Variants in RASA3 observed in about 807,000 individuals in gnomAD.
RASA3 encodes RAS p21 protein activator 3.
Under a neutral mutation model 110.0 loss-of-function variants are expected in RASA3, and 73 were observed. That is an observed-to-expected ratio of 0.66 (90% CI 0.55 to 0.81). RASA3 has a LOEUF of 0.81. RASA3 is among the 30% of genes least tolerant of loss of function. The probability of loss-of-function intolerance (pLI) is 0.00; values close to 1 mark genes in which losing one functional copy is unlikely to be tolerated. For missense variants in RASA3, 976 were observed against 1,113.2 expected (o/e 0.88, Z 1.75); for synonymous variants, 500 against 451.4 (o/e 1.11, Z -1.37).
intron 20 of RASA3, among the ~76,000 whole-genome samples, 158 bp downstream of exon 20, chr13:113,999,427 C>T (rs1566458811): frequency 6.6e-6 from 1 of 151,974 alleles, no homozygotes; most frequent in Non-Finnish European, 1.5e-5. Flanking sequence ...CACAAACTCA[C>T]CAGCACCTGG....
intron 12 of RASA3, among the ~76,000 whole-genome samples, 184 bp from the exon 13 acceptor site, chr13:114,016,455 C>T (rs575136341): frequency 4.9e-4 from 74 of 152,224 alleles, no homozygotes; most frequent in Non-Finnish European, 2.9e-5. Flanking sequence ...GCAGGGCCAC[C>T]GTGGGGTGGT....
intron 1 of RASA3, among the ~76,000 whole-genome samples, chr13:114,089,477 G>T (rs1377871297): frequency 6.6e-6 from 1 of 151,948 alleles, no homozygotes; most frequent in Non-Finnish European, 1.5e-5. Flanking sequence ...GGACCAAGCA[G>T]AAGGTGCTGT....
At position 114,030,000 on chromosome 13, in the gene RASA3, G is replaced by C. The variant is rs2054116830; in HGVS notation, c.373-113C>G. 3.0e-5 allele frequency: 29 copies of C among 964,868 alleles called. No homozygotes were observed. In the South Asian group the frequency reaches 3.1e-4, roughly 10 times the overall value. The allele number at this position is 964,868 out of a possible 1,614,324, so 59.8% of individuals were successfully genotyped here. Reference sequence around the variant, plus strand: ...CAAAGGGAGCAGGCGGCCCCGCCCTGCCCTGGCCAATGGGCACGTCCAGCC... The same window carrying C: ...CAAAGGGAGCAGGCGGCCCCGCCCTCCCCTGGCCAATGGGCACGTCCAGCC... On this transcript the variant is annotated intron_variant, in intron 4 of 23. Coordinates refer to ENST00000334062, the MANE Select transcript of RASA3 (RefSeq NM_007368.4).
intron 12 of RASA3, among the ~76,000 whole-genome samples, chr13:114,016,781 A>G (rs1161992783): frequency 1.3e-5 from 2 of 152,218 alleles, no homozygotes; most frequent in South Asian, 2.1e-4. Flanking sequence ...TTTGCAAAGA[A>G]CCTGTTTACA....
At chr13:114,018,042 C>G in intron 11 of RASA3, 62 bp downstream of exon 11, 3 of 1,420,020 alleles carry the variant, frequency 2.1e-6, no homozygotes, top group South Asian at 1.5e-5. Context: ...TTCTCGGCGA[C>G]GACCTTGCCA....
In RASA3 at chr13:114,073,728, C is replaced by G; in HGVS notation, c.165G>C (p.Lys55Asn). The G allele has an allele frequency of 6.2e-7, 1 of 1,613,354 alleles. No individual in the cohort carries two copies. Among genetic ancestry groups the G allele is most frequent in the Non-Finnish European group, 8.5e-7 (1 of 1,179,258 alleles). Reference sequence around the variant, plus strand: ...GCAACAGAAGACATTACCAGAGTGACTTTTCCACAATTTTGGTCCTGAAAA... The same window carrying G: ...GCAACAGAAGACATTACCAGAGTGAGTTTTCCACAATTTTGGTCCTGAAAA... ...EEVFRTKIVE[K>N]SLCPFYGEDF... The change falls in exon 2 of 24, where the codon AAG (lysine) becomes AAC (asparagine). Residue 55 changes from lysine to asparagine, a missense_variant. By Grantham distance (94) the Lys-to-Asn change is moderately conservative (BLOSUM62 0). This residue lies in a region of RASA3 where 732 missense variants were observed against 779.7 expected (regional missense o/e 0.94). Transcript: ENST00000334062.
At chr13:114,053,029 T>G (rs1264712648) in intron 2 of RASA3, among the ~76,000 whole-genome samples, 13 of 139,566 alleles carry the variant, frequency 9.3e-5, no homozygotes, top group African/African-American at 3.4e-4. Context: ...CTGACTGTGC[T>G]TAGAGTCCTG....
At chr13:114,037,115 G>C (rs1253357157) in intron 4 of RASA3, among the ~76,000 whole-genome samples, 1 of 152,300 alleles carries the variant, frequency 6.6e-6, no homozygotes. Context: ...GCTTGGCCAC[G>C]GGTACGCAGC....
At chr13:114,036,903 T>C (rs1192173590) in intron 4 of RASA3, among the ~76,000 whole-genome samples, 1 of 152,200 alleles carries the variant, frequency 6.6e-6, no homozygotes, top group Admixed American at 6.5e-5. Flanking sequence ...CGCTACGTTT[T>C]GGGCGGCGTT....
chr13:114,105,386 A>G (rs1036585492), intron 1 of RASA3, among the ~76,000 whole-genome samples: 3 of 152,114 alleles, frequency 2.0e-5, no homozygotes, highest in Non-Finnish European at 4.4e-5. Context: ...AGCTCTCCAG[A>G]GGCAACTCCA....
rs2139637129 is a variant in RASA3, at chr13:114,065,845, A to G, written c.173+7875T>C. 1.3e-5 allele frequency among the ~76,000 whole-genome samples: 2 copies of G among 152,336 alleles called. 1 individual carries two copies. Among genetic ancestry groups the G allele is most frequent in the South Asian group, 4.1e-4 (2 of 4,834 alleles). On this transcript the variant is annotated intron_variant, in intron 2 of 23. Coordinates refer to ENST00000334062, the MANE Select transcript of RASA3 (RefSeq NM_007368.4). This position sits in a 1 kb window ranked among gnomAD's most constrained non-coding sequence, Gnocchi z 4.1. Reference sequence around the variant, plus strand: ...CTGGGTTGCAGCCTCCTGTGGTTCAAGATGGGTGGGGTTATTTTGAAATGT... The same window carrying G: ...CTGGGTTGCAGCCTCCTGTGGTTCAGGATGGGTGGGGTTATTTTGAAATGT...
At chr13:114,047,361 G>A (rs927950648) in intron 3 of RASA3, among the ~76,000 whole-genome samples, 2 of 152,204 alleles carry the variant, frequency 1.3e-5, no homozygotes, top group African/African-American at 4.8e-5. Context: ...ACACACCTAT[G>A]GGAGTGCAAA....
intron 2 of RASA3, among the ~76,000 whole-genome samples, chr13:114,070,706 CCA>C (rs2079556702): frequency 1.4e-5 from 2 of 145,364 alleles, no homozygotes; most frequent in Non-Finnish European, 3.0e-5. Flanking sequence ...CTAAACGGCG[CCA>C]CAGTCTTACA....
At chr13:114,040,009 G>A (rs2054364145) in intron 4 of RASA3, among the ~76,000 whole-genome samples, 1 of 152,272 alleles carries the variant, frequency 6.6e-6, no homozygotes, top group Admixed American at 6.5e-5. Context: ...GTGGGGAAGT[G>A]AGGGTCCCTG....
chr13:114,122,165 T>C (rs1262905173), intron 1 of RASA3, among the ~76,000 whole-genome samples: 1 of 152,198 alleles, frequency 6.6e-6, no homozygotes, highest in Non-Finnish European at 1.5e-5. Context: ...CCCAGGCTGC[T>C]CCAGCCTTCA....
chr13:114,116,944 CGT>C (rs1209556351), intron 1 of RASA3, among the ~76,000 whole-genome samples: 3 of 106,668 alleles, frequency 2.8e-5, no homozygotes, highest in African/African-American at 1.1e-4. Flanking sequence ...GAGGGGAGCA[CGT>C]GTGTGAGGGG....
chr13:113,993,053 C>T (rs573650517), intron 21 of RASA3, among the ~76,000 whole-genome samples: 2 of 152,286 alleles, frequency 1.3e-5, no homozygotes, highest in African/African-American at 4.8e-5. Context: ...ATATGTAATA[C>T]TTGTACATTT....
chr13:114,101,438 G>C (rs996197475), intron 1 of RASA3, among the ~76,000 whole-genome samples: 2 of 152,218 alleles, frequency 1.3e-5, no homozygotes, highest in African/African-American at 4.8e-5. Context: ...GGGCTGGAGA[G>C]TTGCCAGCCA....
intron 8 of RASA3, among the ~76,000 whole-genome samples, chr13:114,022,989 G>A (rs915335824): frequency 5.3e-5 from 8 of 152,194 alleles, no homozygotes; most frequent in African/African-American, 1.9e-4. Flanking sequence ...TATGGTTCAG[G>A]ATGGAGACAA....
Sources: allele counts gnomAD v4.1 joint callset (sites outside exome capture counted in the v4.1 genomes callset), GRCh38; gene constraint gnomAD v4.1.1; regional missense constraint gnomAD v4.1.1; non-coding constraint Gnocchi (gnomAD v3.1); transcripts MANE v1.5; gene names NCBI Gene and HGNC (gene_info 2026-07-23, HGNC 2026-07-21).